The following NT5DC1 variants were observed in gnomAD, a reference collection of about 807,000 sequenced individuals.
NT5DC1 encodes 5'-nucleotidase domain-containing protein 1.
Under a neutral mutation model 59.4 loss-of-function variants are expected in NT5DC1, and 42 were observed. The observed-to-expected ratio is 0.71, with a 90% confidence interval of 0.55 to 0.92. The LOEUF (loss-of-function observed/expected upper bound fraction) is 0.92. Among genes scored for constraint, NT5DC1 ranks in the 40% least tolerant of loss-of-function variants. The pLI, the probability that NT5DC1 is intolerant of heterozygous loss-of-function variation, is 0.00. For synonymous variants in NT5DC1, 172 were observed against 188.1 expected, an observed-to-expected ratio of 0.91 and a Z score of 0.70; for missense variants, 501 against 537.1, an observed-to-expected ratio of 0.93 and a Z score of 0.66.
chr6:116,244,672 G>C lies in NT5DC1; in HGVS notation c.*648G>C, dbSNP rs1180628496. On this transcript the variant is annotated 3_prime_UTR_variant, in exon 12 of 12. Transcript: ENST00000319550. The stretch of plus-strand genomic sequence containing the variant: ...TTAATAGTCAAGAACATTGAGTCCA[G>C]TGAGATTAAGTGATTTTTGCAGGCT... 3.9e-5 allele frequency: 6 copies of C among 152,178 alleles called. No homozygotes were observed. The highest frequency in any genetic ancestry group is 8.8e-5 in the Non-Finnish European group (6 of 68,028). 9.4% of individuals were successfully genotyped at this position (152,178 alleles called of 1,614,324 possible). A position where few individuals can be genotyped will look rare whatever the true frequency, so the allele number is the denominator to read the frequency against.
intron 6 of NT5DC1, among the ~76,000 whole-genome samples, chr6:116,131,539 A>ACATT (rs1779465586): frequency 6.6e-6 from 1 of 152,174 alleles, no homozygotes; most frequent in African/African-American, 2.4e-5. Context: ...TCATTGCAGA[A>ACATT]CATTGTGTAA....
intron 6 of NT5DC1, among the ~76,000 whole-genome samples, chr6:116,212,714 A>G (rs760230373): frequency 6.6e-6 from 1 of 152,126 alleles, no homozygotes; most frequent in Non-Finnish European, 1.5e-5. Context: ...GGGAACAAAC[A>G]TCCCAGGATA....
intron 6 of NT5DC1, among the ~76,000 whole-genome samples, chr6:116,135,228 G>A (rs1281239527): frequency 6.6e-6 from 1 of 152,120 alleles, no homozygotes; most frequent in Admixed American, 6.6e-5. Flanking sequence ...CTTAAAGGGG[G>A]AAGATGTTAT....
At chr6:116,200,091 G>C (rs1781315885) in intron 6 of NT5DC1, among the ~76,000 whole-genome samples, 1 of 151,878 alleles carries the variant, frequency 6.6e-6, no homozygotes. Flanking sequence ...ACCCTTAATA[G>C]TATATACCCT....
chr6:116,244,292 C>T lies in NT5DC1; in HGVS notation c.*268C>T, dbSNP rs755893725. 32 of 236,446 alleles carry T rather than the reference C, an allele frequency of 1.4e-4. No homozygotes were observed. Among genetic ancestry groups the T allele is most frequent in the Admixed American group, 1.1e-3 (22 of 19,362 alleles). The allele number at this position is 236,446 out of a possible 1,614,324, so 14.6% of individuals were successfully genotyped here. ...ATTCACCTGGGGACACACACTCACACGCACAGTCACTCTTACACATATGCC... is the reference window on the plus strand; with the variant it reads ...ATTCACCTGGGGACACACACTCACATGCACAGTCACTCTTACACATATGCC... On this transcript the variant is annotated 3_prime_UTR_variant, in exon 12 of 12. Transcript: ENST00000319550.
At chr6:116,133,959 A>G (rs1421387430) in intron 6 of NT5DC1, among the ~76,000 whole-genome samples, 3 of 152,202 alleles carry the variant, frequency 2.0e-5, no homozygotes, top group Non-Finnish European at 4.4e-5. Context: ...TAGTGCTGAA[A>G]TTCTTACTAT....
rs1177320119 is a variant in NT5DC1 at position 116,244,775 on chromosome 6, A to C, written c.*751A>C. 6.6e-6 allele frequency: 1 copy of C among 152,240 alleles called. No individual in the cohort carries two copies. The highest frequency in any genetic ancestry group is 6.5e-5 in the Admixed American group (1 of 15,280). The allele number at this position is 152,240 out of a possible 1,614,324, so 9.4% of individuals were successfully genotyped here. On this transcript the variant is annotated 3_prime_UTR_variant, in exon 12 of 12. Coordinates refer to ENST00000319550, the MANE Select transcript of NT5DC1 (RefSeq NM_152729.3). Reference sequence around the variant, plus strand: ...TGACTTATTCTCTGTTCATACAGCAAGTATGGAAAAAAGATGATCTAGAAG... The same window carrying C: ...TGACTTATTCTCTGTTCATACAGCACGTATGGAAAAAAGATGATCTAGAAG...
At chr6:116,114,659 A>G (rs1313379771) in intron 4 of NT5DC1, among the ~76,000 whole-genome samples, 1 of 151,964 alleles carries the variant, frequency 6.6e-6, no homozygotes, top group Non-Finnish European at 1.5e-5. Context: ...TTCTCTAGGG[A>G]ACTGTATGAG....
At chr6:116,210,172 C>T (rs1781546655) in intron 6 of NT5DC1, among the ~76,000 whole-genome samples, 1 of 151,956 alleles carries the variant, frequency 6.6e-6, no homozygotes, top group African/African-American at 2.4e-5. Flanking sequence ...TTTGGTGTTT[C>T]AATTTTCCTT....
chr6:116,108,256 G>A, intron 2 of NT5DC1, 108 bp from the exon 3 acceptor site: 1 of 716,444 alleles, frequency 1.4e-6, no homozygotes, highest in Non-Finnish European at 2.5e-6. Context: ...CATTCCCCTG[G>A]GTGGCAGAAT....
chr6:116,177,644 G>T (rs1055411028), intron 6 of NT5DC1, among the ~76,000 whole-genome samples: 1 of 152,106 alleles, frequency 6.6e-6, no homozygotes, highest in African/African-American at 2.4e-5. Flanking sequence ...TTACTTAAAG[G>T]AATTTATCTA....
At chr6:116,129,598 A>C (rs988082697) in intron 6 of NT5DC1, among the ~76,000 whole-genome samples, 1 of 152,278 alleles carries the variant, frequency 6.6e-6, no homozygotes, top group Non-Finnish European at 1.5e-5. Context: ...GCGATACTAC[A>C]GCATGAACGC....
intron 3 of NT5DC1, among the ~76,000 whole-genome samples, chr6:116,109,652 C>G (rs1378586569): frequency 6.6e-6 from 1 of 152,156 alleles, no homozygotes. Flanking sequence ...GTAGTAGATT[C>G]CTTTTCTGAT....
At chr6:116,133,556 A>T (rs1779519083) in intron 6 of NT5DC1, among the ~76,000 whole-genome samples, 2 of 152,186 alleles carry the variant, frequency 1.3e-5, no homozygotes, top group Non-Finnish European at 2.9e-5. Context: ...GTGGCAACAC[A>T]GACCACCAAG....
In NT5DC1 at chr6:116,128,030, G is replaced by A. The variant is rs375677070; in HGVS notation, c.529+10085G>A. 1.3e-4 allele frequency among the ~76,000 whole-genome samples: 20 copies of A among 152,070 alleles called. 1 individual carries two copies. The highest frequency in any genetic ancestry group is 9.6e-4 in the East Asian group (5 of 5,196). The stretch of plus-strand genomic sequence containing the variant: ...ATTCCTGTGCTTGAGGTATTCTGCT[G>A]TTCTCCATGGTCAGATGGTAGACTT... On this transcript the variant is annotated intron_variant, in intron 6 of 11. Coordinates refer to ENST00000319550, the MANE Select transcript of NT5DC1 (RefSeq NM_152729.3).
chr6:116,136,707 T>C (rs1779614242), intron 6 of NT5DC1, among the ~76,000 whole-genome samples: 1 of 152,238 alleles, frequency 6.6e-6, no homozygotes, highest in African/African-American at 2.4e-5. Flanking sequence ...AAAATCCATA[T>C]GCTGTTATCA....
rs1165402953 is a variant in NT5DC1, at chr6:116,163,008, T to G, written c.529+45063T>G. ...CAGGCGTGGCGGCAGGCACTTATAG[T>G]CCCAGCTACTCAGGAAGCTGAGGCA... On this transcript the variant is annotated intron_variant, in intron 6 of 11. Transcript: ENST00000319550. Among the ~76,000 whole-genome samples the G allele has an allele frequency of 4.0e-5, 6 of 150,418 alleles. No homozygotes were observed. The East Asian group carries it at 9.8e-4, about 25-fold the overall frequency.
At chr6:116,210,602 A>G (rs1345898279) in intron 6 of NT5DC1, among the ~76,000 whole-genome samples, 1 of 151,980 alleles carries the variant, frequency 6.6e-6, no homozygotes, top group Non-Finnish European at 1.5e-5. Flanking sequence ...CATTATGAGG[A>G]TTAAATCCAT....
chr6:116,121,027 C>T, intron 6 of NT5DC1: 1 of 1,613,918 alleles, frequency 6.2e-7, no homozygotes, highest in Non-Finnish European at 8.5e-7. Context: ...CTGGCCCTGT[C>T]TCACCTTTAG....
Sources: allele counts gnomAD v4.1 joint callset (sites outside exome capture counted in the v4.1 genomes callset), GRCh38; gene constraint gnomAD v4.1.1; transcripts MANE v1.5; gene names NCBI Gene and HGNC (gene_info 2026-07-23, HGNC 2026-07-21).